Variants in FHIP1A observed in about 807,000 individuals in gnomAD.
FHIP1A encodes the protein FHF complex subunit HOOK interacting protein 1A.
A neutral mutation model predicts 88.6 loss-of-function variants in FHIP1A; 61 were observed. That is an observed-to-expected ratio of 0.69 (90% confidence interval 0.56 to 0.85). The LOEUF (loss-of-function observed/expected upper bound fraction) is 0.85, where lower values mean the gene tolerates loss of function less well. Ranked by LOEUF, FHIP1A falls within the 40% of genes least tolerant of loss-of-function variation. FHIP1A has a pLI of 0.00. For synonymous variants in FHIP1A, 478 were observed against 496.0 expected, an observed-to-expected ratio of 0.96 and a Z score of 0.48; for missense variants, 1,154 against 1,273.5, an observed-to-expected ratio of 0.91 and a Z score of 1.43.
chr4:151,612,538 G>A (rs751794729), intron 7 of FHIP1A, among the ~76,000 whole-genome samples: 1 of 152,144 alleles, frequency 6.6e-6, no homozygotes, highest in Non-Finnish European at 1.5e-5. Context: ...GCACCACTAC[G>A]CCTGGCTAAC....
chr4:151,451,639 A>C (rs964458688), intron 1 of FHIP1A, among the ~76,000 whole-genome samples: 2 of 152,130 alleles, frequency 1.3e-5, no homozygotes, highest in African/African-American at 4.8e-5. Context: ...CTTCCTACTG[A>C]TCCTTTGACC....
intron 2 of FHIP1A, among the ~76,000 whole-genome samples, chr4:151,470,463 G>T (rs1031273908): frequency 6.6e-6 from 1 of 152,128 alleles, no homozygotes; most frequent in African/African-American, 2.4e-5. Context: ...AGTAGATGTT[G>T]GTCGTTTATT....
At chr4:151,413,153 C>G (rs1349674074) in intron 1 of FHIP1A, among the ~76,000 whole-genome samples, 1 of 152,130 alleles carries the variant, frequency 6.6e-6, no homozygotes, top group Non-Finnish European at 1.5e-5. Flanking sequence ...TTGAAGTAAC[C>G]TCCATTAAAT....
intron 2 of FHIP1A, among the ~76,000 whole-genome samples, chr4:151,466,038 A>G (rs1372003802): frequency 6.6e-6 from 1 of 152,182 alleles, no homozygotes; most frequent in Admixed American, 6.5e-5. Flanking sequence ...AGAGGAAGTC[A>G]AATTGTCTGT....
intron 7 of FHIP1A, among the ~76,000 whole-genome samples, chr4:151,606,389 A>G (rs750068105): frequency 6.6e-6 from 1 of 152,190 alleles, no homozygotes; most frequent in Admixed American, 6.5e-5. Flanking sequence ...CATTCCTTTC[A>G]GTGGAAAATG....
chr4:151,471,451 T>A (rs1317922278), intron 2 of FHIP1A, among the ~76,000 whole-genome samples: 2 of 151,926 alleles, frequency 1.3e-5, no homozygotes, highest in African/African-American at 4.8e-5. Flanking sequence ...TTCAACAGCA[T>A]GCCAATCAGC....
rs1737813429 is a variant in FHIP1A at position 151,670,214 on chromosome 4, T to C, written c.*7460T>C. The C allele has an allele frequency of 6.6e-6, 1 of 152,194 alleles. No homozygotes were observed. The highest frequency in any genetic ancestry group is 1.5e-5 in the Non-Finnish European group (1 of 68,026). The allele number at this position is 152,194 out of a possible 1,614,324, so 9.4% of individuals were successfully genotyped here. ...TCCGGTGCAGTGGAGAGAACAGTAT[T>C]AGTGTCGCAAGCACAGGAGTGCAGA... On this transcript the variant is annotated 3_prime_UTR_variant, in exon 14 of 14. Coordinates refer to ENST00000435205, the MANE Select transcript of FHIP1A (RefSeq NM_001109977.3).
chr4:151,572,545 C>G (rs1464309698), intron 4 of FHIP1A, among the ~76,000 whole-genome samples: 5 of 152,216 alleles, frequency 3.3e-5, no homozygotes, highest in African/African-American at 9.6e-5. Context: ...CTGAAAGACA[C>G]AGCTGTTAAG....
At chr4:151,576,617 T>C (rs1733801586) in intron 4 of FHIP1A, 1 of 152,236 alleles carries the variant, frequency 6.6e-6, no homozygotes, top group Admixed American at 6.5e-5. Flanking sequence ...CTCCAAACTT[T>C]AGGAATTTGT....
chr4:151,517,083 A>G (rs1017853705), intron 3 of FHIP1A, among the ~76,000 whole-genome samples: 6 of 152,332 alleles, frequency 3.9e-5, no homozygotes, highest in African/African-American at 1.4e-4. Context: ...CTGGATTAAG[A>G]AAATGTGGCA....
At chr4:151,645,959 G>A (rs563007478) in intron 9 of FHIP1A, among the ~76,000 whole-genome samples, 1 of 152,200 alleles carries the variant, frequency 6.6e-6, no homozygotes, top group African/African-American at 2.4e-5. Flanking sequence ...CTGGCCACAC[G>A]TAAGAACATA....
intron 3 of FHIP1A, among the ~76,000 whole-genome samples, chr4:151,489,264 G>A (rs1730194456): frequency 6.6e-6 from 1 of 152,164 alleles, no homozygotes. Context: ...AGAAGTAGTG[G>A]GAAGAGCACT....
chr4:151,569,714 A>G (rs1424357205), intron 4 of FHIP1A, among the ~76,000 whole-genome samples: 1 of 152,196 alleles, frequency 6.6e-6, no homozygotes, highest in Admixed American at 6.5e-5. Context: ...GTTAAAAAGC[A>G]AACATTGATG....
chr4:151,477,463 T>G (rs1729748439), intron 2 of FHIP1A, among the ~76,000 whole-genome samples: 1 of 152,174 alleles, frequency 6.6e-6, no homozygotes, highest in Admixed American at 6.5e-5. Context: ...ATACGGCCCT[T>G]CTAAGTAAGA....
intron 7 of FHIP1A, among the ~76,000 whole-genome samples, chr4:151,613,667 G>A (rs1311371615): frequency 5.3e-5 from 8 of 152,316 alleles, no homozygotes; most frequent in Admixed American, 5.2e-4. Flanking sequence ...GTACTTGATG[G>A]TCATAATGAC....
At chr4:151,643,806 T>A (rs952456585) in intron 9 of FHIP1A, among the ~76,000 whole-genome samples, 1 of 152,252 alleles carries the variant, frequency 6.6e-6, no homozygotes, top group Admixed American at 6.5e-5. Context: ...TCGTAGACTC[T>A]CTTTCAACCA....
chr4:151,438,929 A>G (rs140978538), intron 1 of FHIP1A, among the ~76,000 whole-genome samples: 142 of 152,262 alleles, frequency 9.3e-4, no homozygotes, highest in Non-Finnish European at 1.2e-3. Context: ...AAGAAAGGTT[A>G]CGTTAGGGTC....
intron 3 of FHIP1A, among the ~76,000 whole-genome samples, chr4:151,537,648 G>A (rs1732119534): frequency 1.3e-5 from 2 of 152,154 alleles, no homozygotes; most frequent in Non-Finnish European, 2.9e-5. Flanking sequence ...TGCTTGTGGT[G>A]TCAAGTCTAA....
intron 9 of FHIP1A, among the ~76,000 whole-genome samples, chr4:151,640,253 A>C (rs1178689729): frequency 6.6e-6 from 1 of 152,212 alleles, no homozygotes; most frequent in African/African-American, 2.4e-5. Context: ...TTACAAAATG[A>C]GTGTGAAAAA....
Sources: allele counts gnomAD v4.1 joint callset (sites outside exome capture counted in the v4.1 genomes callset), GRCh38; gene constraint gnomAD v4.1.1; transcripts MANE v1.5; gene names NCBI Gene and HGNC (gene_info 2026-07-23, HGNC 2026-07-21).